PHGDH: variants seen among roughly 807,000 people sequenced by gnomAD.
PHGDH encodes the protein phosphoglycerate dehydrogenase, also known as D-3-phosphoglycerate dehydrogenase.
A neutral mutation model predicts 52.6 loss-of-function variants in PHGDH; 50 were observed. The ratio of observed to expected loss-of-function variants is 0.95; its 90% CI spans 0.76 to 1.20. The LOEUF is 1.20. Among genes scored for constraint, PHGDH ranks in the 50% most tolerant of loss-of-function variants. The probability of loss-of-function intolerance (pLI) is 0.00; values close to 1 mark genes in which losing one functional copy is unlikely to be tolerated. For missense variants in PHGDH, 630 were observed against 684.6 expected (o/e 0.92, Z 0.89); for synonymous variants, 271 against 280.5 (o/e 0.97, Z 0.34).
In PHGDH at chr1:119,744,071, G is replaced by T; in HGVS notation, c.*31G>T. ...GAGCTCACTGGTCCCTGCCTCTGGG[G>T]CTTTTCTGAAGAAACCCACCCACTG... On this transcript the variant is annotated 3_prime_UTR_variant, in exon 12 of 12. Coordinates refer to ENST00000641023, the MANE Select transcript of PHGDH (RefSeq NM_006623.4). 2.5e-6 allele frequency: 4 copies of T among 1,610,612 alleles called. No individual in the cohort carries two copies. Among genetic ancestry groups the T allele is most frequent in the Non-Finnish European group, 3.4e-6 (4 of 1,176,868 alleles).
chr1:119,718,695 T>G (rs1291024347), intron 1 of PHGDH, among the ~76,000 whole-genome samples: 1 of 152,202 alleles, frequency 6.6e-6, no homozygotes, highest in Non-Finnish European at 1.5e-5. Context: ...GTGAAGAGAA[T>G]AATGTAAAGC....
chr1:119,723,433 C>A lies in PHGDH; in HGVS notation c.348C>A (p.Cys116Ter), dbSNP rs2101160478. Residue 116 changes from cysteine to a stop codon, truncating the protein, a stop_gained, in exon 3 of 12, where the codon TGC becomes TGA. Transcript: ENST00000641023. LOFTEE classifies it high-confidence loss of function. ...AACTCACTTGTGGAATGATCATGTG[C>A]CTGGCCAGGTAAGTCCCTGACTTCT... ...AAELTCGMIM[C>*]LARQIPQATA... 6 of 1,612,794 alleles carry A rather than the reference C, an allele frequency of 3.7e-6. No individual in the cohort carries two copies. The highest frequency in any genetic ancestry group is 3.4e-6 in the Non-Finnish European group (4 of 1,178,844).
At chr1:119,723,516 C>T (rs1651267829) in intron 3 of PHGDH, 75 bp downstream of exon 3, 1 of 1,160,972 alleles carries the variant, frequency 8.6e-7, no homozygotes, top group African/African-American at 1.5e-5. Context: ...CAAATGGACC[C>T]AGAAAAACTT....
chr1:119,720,360 T>A (rs1651093781), intron 1 of PHGDH: 1 of 152,258 alleles, frequency 6.6e-6, no homozygotes, highest in South Asian at 2.1e-4. Context: ...TCCTTTGGTC[T>A]CTCTTTTAGG....
At chr1:119,743,744 A>G in intron 11 of PHGDH, 142 bp from the exon 12 acceptor site, 3 of 766,266 alleles carry the variant, frequency 3.9e-6, no homozygotes, top group Admixed American at 3.4e-5. Flanking sequence ...TTGCTCTCCC[A>G]TCTCAGCTCT....
At position 119,721,232 on chromosome 1, in the gene PHGDH, T is replaced by C. The variant is rs1167677460; in HGVS notation, c.201T>C (p.Ala67=). The C allele has an allele frequency of 1.3e-5, 21 of 1,614,166 alleles. No individual in the cohort carries two copies. Among genetic ancestry groups the C allele is most frequent in the Non-Finnish European group, 1.8e-5 (21 of 1,180,012 alleles). ...TGACCGCTGATGTCATCAACGCAGCTGAGAAACTCCAGGTGGTGGGCAGGG... is the reference window on the plus strand; with the variant it reads ...TGACCGCTGATGTCATCAACGCAGCCGAGAAACTCCAGGTGGTGGGCAGGG... ...TKVTADVINA[A]EKLQVVGRAG... The change falls in exon 2 of 12, where the codon GCT becomes GCC. Residue 67 remains alanine (A), a synonymous_variant. Coordinates refer to ENST00000641023, the MANE Select transcript of PHGDH (RefSeq NM_006623.4).
At chr1:119,723,871 T>G (rs1651281077) in intron 3 of PHGDH, among the ~76,000 whole-genome samples, 1 of 152,084 alleles carries the variant, frequency 6.6e-6, no homozygotes, top group South Asian at 2.1e-4. Flanking sequence ...CTTTTCCAGC[T>G]AGGCTATGTC....
rs960197189 is a variant in PHGDH, at chr1:119,726,607, T to C, written c.357-244T>C. 1.0e-5 allele frequency: 6 copies of C among 589,724 alleles called. No homozygotes were observed. The African/African-American group carries it at 1.1e-4, about 11-fold the overall frequency. The allele number at this position is 589,724 out of a possible 1,614,324, so 36.5% of individuals were successfully genotyped here. Reference sequence around the variant, plus strand: ...GCCTCAGTGGCTGAGGTGGAATCCATACCTCCTCCCAGATGCCTGGCTGGT... The same window carrying C: ...GCCTCAGTGGCTGAGGTGGAATCCACACCTCCTCCCAGATGCCTGGCTGGT... On this transcript the variant is annotated intron_variant, in intron 3 of 11. Coordinates refer to ENST00000641023, the MANE Select transcript of PHGDH (RefSeq NM_006623.4).
intron 3 of PHGDH, 54 bp from the exon 4 acceptor site, chr1:119,726,797 C>A: frequency 6.8e-7 from 1 of 1,460,066 alleles, no homozygotes; most frequent in Non-Finnish European, 9.6e-7. Context: ...GCATCTCCTT[C>A]CTGGGCTGGC....
At chr1:119,713,083 C>T (rs1229240234) in intron 1 of PHGDH, 1 of 152,258 alleles carries the variant, frequency 6.6e-6, no homozygotes, top group Admixed American at 6.5e-5. Context: ...GTGGCCTTGT[C>T]CGGAATATTT....
chr1:119,741,021 T>C (rs1264074074), intron 9 of PHGDH, among the ~76,000 whole-genome samples: 2 of 152,176 alleles, frequency 1.3e-5, no homozygotes, highest in Admixed American at 1.3e-4. Flanking sequence ...TTGGGCCGTC[T>C]GACAGCCCTC....
intron 8 of PHGDH, among the ~76,000 whole-genome samples, chr1:119,738,933 A>G (rs987051281): frequency 6.6e-6 from 1 of 152,226 alleles, no homozygotes; most frequent in Non-Finnish European, 1.5e-5. Context: ...CTCTTGGTCA[A>G]AATAACTACC....
chr1:119,721,373 A>T, intron 2 of PHGDH, 52 bp downstream of exon 2: 1 of 1,573,698 alleles, frequency 6.4e-7, no homozygotes, highest in Non-Finnish European at 8.7e-7. Flanking sequence ...GAGTGCGGAG[A>T]CTGACCACAC....
intron 1 of PHGDH, chr1:119,715,960 A>T (rs1222362065): frequency 6.6e-6 from 1 of 152,594 alleles, no homozygotes; most frequent in Non-Finnish European, 1.5e-5. Flanking sequence ...GGTTTCCATA[A>T]GTAGAGGACA....
Position 119,735,428 on chromosome 1 carries a change from G to C in PHGDH, c.777G>C (p.Leu259=), listed in dbSNP as rs1287795763. 3 of 1,613,392 alleles carry C rather than the reference G, an allele frequency of 1.9e-6. No homozygotes were observed. The change falls in exon 7 of 12, where the codon CTG becomes CTC. Residue 259 remains leucine (L), a synonymous_variant. Transcript: ENST00000641023. ...LQSGQCAGAA[L]DVFTEEPPRD... Reference sequence around the variant, plus strand: ...CTGGCCAGTGTGCCGGGGCTGCACTGGACGTGTTTACGGAAGTAAGTGCCT... The same window carrying C: ...CTGGCCAGTGTGCCGGGGCTGCACTCGACGTGTTTACGGAAGTAAGTGCCT...
intron 2 of PHGDH, among the ~76,000 whole-genome samples, chr1:119,722,762 T>C (rs1270825474): frequency 6.6e-6 from 1 of 151,108 alleles, no homozygotes; most frequent in Non-Finnish European, 1.5e-5. Flanking sequence ...AAGCCAGGTA[T>C]GTTGGCACCA....
At chr1:119,735,104 C>G in intron 6 of PHGDH, 191 bp from the exon 7 acceptor site, 1 of 748,446 alleles carries the variant, frequency 1.3e-6, no homozygotes, top group East Asian at 2.4e-5. Context: ...GAGTCTGGCC[C>G]AGATCCATAA....
Position 119,740,569 on chromosome 1 carries a change from G to A in PHGDH, c.1078+51G>A, listed in dbSNP as rs1247497451. The stretch of plus-strand genomic sequence containing the variant: ...GGGGGAGGAGGGGATGAGGGAGTGT[G>A]GGATCTGCCCTGCTGGGTGTATTTG... On this transcript the variant is annotated intron_variant, in intron 9 of 11. Coordinates refer to ENST00000641023, the MANE Select transcript of PHGDH (RefSeq NM_006623.4). 5 of 1,471,584 alleles carry A rather than the reference G, an allele frequency of 3.4e-6. No homozygotes were observed. The Admixed American group carries it at 5.9e-5, about 17-fold the overall frequency. 91.2% of individuals were successfully genotyped at this position (1,471,584 alleles called of 1,614,324 possible).
At chr1:119,734,938 G>A in intron 6 of PHGDH, 172 bp downstream of exon 6, 1 of 742,388 alleles carries the variant, frequency 1.3e-6, no homozygotes, top group Non-Finnish European at 2.3e-6. Context: ...ATAGGGGAGG[G>A]TGAGCCAGCT....
Sources: allele counts gnomAD v4.1 joint callset (sites outside exome capture counted in the v4.1 genomes callset), GRCh38; gene constraint gnomAD v4.1.1; transcripts MANE v1.5; gene names NCBI Gene and HGNC (gene_info 2026-07-23, HGNC 2026-07-21).